Variants in ELK1 observed in about 807,000 individuals in gnomAD.
The protein encoded by ELK1 is ETS transcription factor ELK1.
For synonymous variants in ELK1, 163 were observed against 176.3 expected (o/e 0.92, Z 0.60); for missense variants, 254 against 381.5 (o/e 0.67, Z 2.78).
At chrX:47,648,384 C>G (rs931069898) in intron 2 of ELK1, among the ~76,000 whole-genome samples, 2 of 112,910 alleles carry the variant, frequency 1.8e-5, no homozygotes, top group Non-Finnish European at 3.7e-5. Context: ...GAGCATATTA[C>G]GTACCTCAGT....
intron 2 of ELK1, among the ~76,000 whole-genome samples, chrX:47,643,767 T>C (rs763879718): frequency 3.6e-5 from 4 of 110,761 alleles, no homozygotes; most frequent in African/African-American, 1.3e-4. Flanking sequence ...GAGAAGTAGG[T>C]AGTCTTCCTG....
At chrX:47,639,370 A>G (rs769998944) in intron 3 of ELK1, 32 bp from the exon 4 acceptor site, 15 of 1,111,691 alleles carry the variant, frequency 1.3e-5, no homozygotes, top group Non-Finnish European at 1.8e-5. Flanking sequence ...AGAGGGCCTT[A>G]GAGGAAAGGG....
rs2058019649 is a variant in ELK1 at position 47,639,026 on chromosome X, G to C, written c.523C>G (p.Pro175Ala). 8.3e-7 allele frequency: 1 copy of C among 1,202,740 alleles called. No homozygotes were observed. The highest frequency in any genetic ancestry group is 1.7e-5 in the African/African-American group (1 of 57,473). The stretch of plus-strand genomic sequence containing the variant: ...CTGGGGAGCACCACAGCAGGCCGAG[G>C]ATGAGGGGGTGGCTGCGGCTGCAGA... ...QSLQPQPPPHPRPAVVLPSAA... is the reference protein window; with the variant it reads ...QSLQPQPPPHARPAVVLPSAA... The change falls in exon 4 of 7, where the codon CCT (proline) becomes GCT (alanine). Residue 175 changes from proline to alanine, a missense_variant. Physicochemically the swap from Pro to Ala is conservative, Grantham distance 27. Transcript: ENST00000376983.
In ELK1 at chrX:47,636,733, G is replaced by A; in HGVS notation, c.*96C>T. ...CCACCCCACCACAATCAGAGCATGAGTCTTTCAGTTGAACTATGTTTCTCC... is the reference window on the plus strand; with the variant it reads ...CCACCCCACCACAATCAGAGCATGAATCTTTCAGTTGAACTATGTTTCTCC... On this transcript the variant is annotated 3_prime_UTR_variant, in exon 7 of 7. Coordinates refer to ENST00000376983, the MANE Select transcript of ELK1 (RefSeq NM_001114123.3). 1 of 847,969 alleles carries A rather than the reference G, an allele frequency of 1.2e-6. No individual in the cohort carries two copies. The highest frequency in any genetic ancestry group is 1.6e-6 in the Non-Finnish European group (1 of 613,287). 69.9% of individuals were successfully genotyped at this position (847,969 alleles called of 1,213,427 possible).
At chrX:47,639,722 C>A (rs1340183668) in intron 3 of ELK1, among the ~76,000 whole-genome samples, 3 of 112,782 alleles carry the variant, frequency 2.7e-5, no homozygotes, top group Non-Finnish European at 3.7e-5. Flanking sequence ...CTCCTCTTCA[C>A]AATGGGGCCC....
chrX:47,643,689 C>T (rs1296644332), intron 2 of ELK1, among the ~76,000 whole-genome samples: 1 of 108,527 alleles, frequency 9.2e-6, no homozygotes. Context: ...TGGGTAAGGG[C>T]ATGTACACCT....
At chrX:47,636,989 CA>C (rs1183994854) in intron 6 of ELK1, 23 bp downstream of exon 6, 1 of 1,204,325 alleles carries the variant, frequency 8.3e-7, no homozygotes, top group Admixed American at 2.2e-5. Context: ...TCACCCTGTC[CA>C]AAACGGGGAA....
intron 1 of ELK1, 30 bp downstream of exon 1, chrX:47,650,393 G>C (rs2058058226): frequency 9.7e-6 from 3 of 310,271 alleles, no homozygotes; most frequent in Admixed American, 3.4e-5. Context: ...TCACGGACTG[G>C]GCCCTCCACC....
Position 47,638,857 on chromosome X carries a change from T to C in ELK1, c.654+38A>G, listed in dbSNP as rs753806801. ...GGGATTACACATCCCTCCTCTTTAC[T>C]GCCTCCTCTTACTGAATTTCTATAT... On this transcript the variant is annotated intron_variant, in intron 4 of 6. Transcript: ENST00000376983. 21 of 1,169,281 alleles carry C rather than the reference T, an allele frequency of 1.8e-5. No homozygotes were observed. In the African/African-American group the frequency reaches 3.4e-4, roughly 19 times the overall value.
Position 47,637,103 on chromosome X carries a change from C to A in ELK1, c.1098G>T (p.Leu366=). Residue 366 remains leucine (L), a synonymous_variant, in exon 6 of 7, where the codon CTG becomes CTT. Coordinates refer to ENST00000376983, the MANE Select transcript of ELK1 (RefSeq NM_001114123.3). ...LLPTHTLTPV[L]LTPSSLPPSI... is the part of the protein sequence containing the mutation. ...TAGGAGGCAGCGAGCTGGGTGTCAG[C>A]AGCACCGGGGTCTGTGGGGAGAGGG... The A allele has an allele frequency of 8.3e-7, 1 of 1,207,643 alleles. No homozygotes were observed. The highest frequency in any genetic ancestry group is 1.1e-6 in the Non-Finnish European group (1 of 893,988).
At chrX:47,641,960 G>A (rs746127410) in intron 2 of ELK1, among the ~76,000 whole-genome samples, 1 of 112,334 alleles carries the variant, frequency 8.9e-6, no homozygotes, top group African/African-American at 3.2e-5. Flanking sequence ...TCAGAGATGT[G>A]ATGACAGAAG....
At chrX:47,643,062 C>T (rs2058033460) in intron 2 of ELK1, among the ~76,000 whole-genome samples, 1 of 112,206 alleles carries the variant, frequency 8.9e-6, no homozygotes, top group South Asian at 3.6e-4. Flanking sequence ...GGTTCTGCCA[C>T]TTATTAGCTG....
chrX:47,638,407 T>C (rs564143194), intron 4 of ELK1, among the ~76,000 whole-genome samples: 2 of 112,733 alleles, frequency 1.8e-5, no homozygotes, highest in East Asian at 2.8e-4. Context: ...TGAGACAACC[T>C]GAAGCGGGTA....
At chrX:47,643,563 C>T (rs1193022353) in intron 2 of ELK1, among the ~76,000 whole-genome samples, 1 of 111,784 alleles carries the variant, frequency 8.9e-6, no homozygotes. Context: ...GAAATATGAA[C>T]ACAGCCGATT....
chrX:47,638,792 G>A, intron 4 of ELK1, 103 bp downstream of exon 4: 1 of 951,383 alleles, frequency 1.1e-6, no homozygotes, highest in Non-Finnish European at 1.5e-6. Flanking sequence ...TCCTTTAACG[G>A]GACAGCTATG....
chrX:47,637,228 C>T (rs920114206), intron 5 of ELK1, 114 bp from the exon 6 acceptor site: 6 of 716,951 alleles, frequency 8.4e-6, no homozygotes, highest in Non-Finnish European at 1.3e-5. Context: ...CAGGGTCACT[C>T]CCCAAAGTGC....
chrX:47,641,108 A>G (rs937251096), intron 3 of ELK1, 124 bp downstream of exon 3: 6 of 813,710 alleles, frequency 7.4e-6, no homozygotes, highest in Non-Finnish European at 1.1e-5. Context: ...GTACCAATGG[A>G]TGGGTTAAAA....
intron 2 of ELK1, among the ~76,000 whole-genome samples, chrX:47,646,032 T>C (rs1052584572): frequency 9.0e-5 from 10 of 111,314 alleles, no homozygotes; most frequent in Non-Finnish European, 1.9e-4. Flanking sequence ...TTCTCAAAAG[T>C]ACACCTACCC....
At chrX:47,640,502 G>T (rs775928554) in intron 3 of ELK1, among the ~76,000 whole-genome samples, 2 of 110,986 alleles carry the variant, frequency 1.8e-5, no homozygotes, top group Admixed American at 9.6e-5. Flanking sequence ...ATAAATATTG[G>T]GGGGAGGAGA....
Sources: allele counts gnomAD v4.1 joint callset (sites outside exome capture counted in the v4.1 genomes callset), GRCh38; gene constraint gnomAD v4.1.1; transcripts MANE v1.5; gene names NCBI Gene and HGNC (gene_info 2026-07-23, HGNC 2026-07-21).